PI4K2A: variants seen among roughly 807,000 people sequenced by gnomAD.
The protein encoded by PI4K2A is phosphatidylinositol 4-kinase type 2 alpha.
A neutral mutation model predicts 55.0 loss-of-function variants in PI4K2A; 20 were observed. The ratio of observed to expected loss-of-function variants is 0.36; its 90% confidence interval spans 0.26 to 0.53. The LOEUF (loss-of-function observed/expected upper bound fraction) is 0.53. Among genes scored for constraint, PI4K2A ranks in the 20% least tolerant of loss-of-function variants. The pLI, the probability that PI4K2A is intolerant of heterozygous loss-of-function variation, is 0.91. For missense variants in PI4K2A, 463 were observed against 637.1 expected, an observed-to-expected ratio of 0.73 and a Z score of 2.94; for synonymous variants, 235 against 258.5, an observed-to-expected ratio of 0.91 and a Z score of 0.87.
chr10:97,645,812 A>G (rs935314935), intron 1 of PI4K2A, among the ~76,000 whole-genome samples: 4 of 151,624 alleles, frequency 2.6e-5, no homozygotes, highest in Non-Finnish European at 5.9e-5. Flanking sequence ...TTGGCCTCCC[A>G]GTGTTGGGAT....
chr10:97,662,874 C>T, intron 4 of PI4K2A, 33 bp from the exon 5 acceptor site: 11 of 1,498,622 alleles, frequency 7.3e-6, no homozygotes, highest in Non-Finnish European at 1.0e-5. Flanking sequence ...ATCATCCCCC[C>T]TTTTTCTGCT....
intron 4 of PI4K2A, 107 bp downstream of exon 4, chr10:97,657,081 T>A: frequency 9.4e-7 from 1 of 1,066,804 alleles, no homozygotes; most frequent in Non-Finnish European, 1.4e-6. Context: ...TCCAGACACA[T>A]CATGTGTAGT....
intron 1 of PI4K2A, among the ~76,000 whole-genome samples, chr10:97,646,130 A>G (rs988506000): frequency 2.6e-5 from 4 of 152,054 alleles, no homozygotes; most frequent in African/African-American, 9.7e-5. Context: ...CAGAGACTAC[A>G]TGATGTGTGA....
At chr10:97,666,341 G>C in intron 6 of PI4K2A, 97 bp from the exon 7 acceptor site, 1 of 1,063,968 alleles carries the variant, frequency 9.4e-7, no homozygotes, top group Non-Finnish European at 1.4e-6. Flanking sequence ...TCAGGGAAGA[G>C]GGGTTCTCCT....
chr10:97,661,999 G>A (rs1397127450), intron 4 of PI4K2A, among the ~76,000 whole-genome samples: 8 of 151,594 alleles, frequency 5.3e-5, no homozygotes, highest in Non-Finnish European at 7.4e-5. Flanking sequence ...CTATAGGCAC[G>A]TACCACCACA....
At chr10:97,666,915 G>A (rs2041612317) in intron 7 of PI4K2A, 146 bp from the exon 8 acceptor site, 2 of 670,510 alleles carry the variant, frequency 3.0e-6, no homozygotes. Flanking sequence ...TGTAAAGCAG[G>A]GAGTTCTTGT....
intron 1 of PI4K2A, among the ~76,000 whole-genome samples, chr10:97,641,742 A>C (rs1405428513): frequency 1.3e-5 from 2 of 152,152 alleles, no homozygotes; most frequent in African/African-American, 4.8e-5. Context: ...TGCCCTGGGT[A>C]TTGCTCACTT....
At chr10:97,657,054 G>A in intron 4 of PI4K2A, 80 bp downstream of exon 4, 1 of 1,422,512 alleles carries the variant, frequency 7.0e-7, no homozygotes, top group Non-Finnish European at 9.8e-7. Context: ...GCAGGGCTTG[G>A]GAGTCAGAGT....
rs1423343694 is a variant in PI4K2A at position 97,667,221 on chromosome 10, T to C, written c.1278+101T>C. On this transcript the variant is annotated intron_variant, in intron 8 of 8. Transcript: ENST00000370631. Reference sequence around the variant, plus strand: ...AGTTTGTGTTTTATACCCCCCCCTTTTTTTTTGAGACCGAGTCTCACTCTG... The same window carrying C: ...AGTTTGTGTTTTATACCCCCCCCTTCTTTTTTGAGACCGAGTCTCACTCTG... 14 of 826,120 alleles carry C rather than the reference T, an allele frequency of 1.7e-5. 1 individual carries two copies. The Admixed American group carries it at 2.8e-4, about 16-fold the overall frequency. 51.2% of individuals were successfully genotyped at this position (826,120 alleles called of 1,614,324 possible).
At chr10:97,645,607 C>CA (rs1200079096) in intron 1 of PI4K2A, among the ~76,000 whole-genome samples, 1,234 of 48,902 alleles carry the variant, frequency 0.025, 28 homozygotes, top group African/African-American at 0.07. Flanking sequence ...GACTCTATCT[C>CA]AAAAAAAAAA....
chr10:97,641,557 C>A (rs966581232), intron 1 of PI4K2A, among the ~76,000 whole-genome samples: 1 of 152,140 alleles, frequency 6.6e-6, no homozygotes, highest in Non-Finnish European at 1.5e-5. Flanking sequence ...CCTGTTCTCT[C>A]TTTTTGGACC....
Position 97,656,957 on chromosome 10 carries a change from A to G in PI4K2A, c.905A>G (p.Tyr302Cys), listed in dbSNP as rs771519158. 6.2e-7 allele frequency: 1 copy of G among 1,614,196 alleles called. No individual in the cohort carries two copies. The highest frequency in any genetic ancestry group is 8.5e-7 in the Non-Finnish European group (1 of 1,180,010). ...TTTGAGCGGTTGGTGGTGCTGGATTACATCATCCGCAACACTGGTGAGCAG... is the reference window on the plus strand; with the variant it reads ...TTTGAGCGGTTGGTGGTGCTGGATTGCATCATCCGCAACACTGGTGAGCAG... Residue 302 changes from tyrosine to cysteine, a missense_variant, in exon 4 of 9, where the codon TAC (tyrosine) becomes TGC (cysteine). By Grantham distance (194) the Tyr-to-Cys change is radical. Transcript: ENST00000370631. The surrounding 1 kb of genome is among the most constrained non-coding windows in gnomAD (Gnocchi z 4.5).
intron 8 of PI4K2A, among the ~76,000 whole-genome samples, chr10:97,669,547 C>G (rs1035910905): frequency 6.6e-6 from 1 of 152,146 alleles, no homozygotes; most frequent in African/African-American, 2.4e-5. Context: ...ATCTTGTAAC[C>G]TAAAGTGCCT....
At chr10:97,666,615 A>G (rs756455136) in intron 7 of PI4K2A, 44 bp downstream of exon 7, 3 of 1,536,178 alleles carry the variant, frequency 2.0e-6, no homozygotes, top group East Asian at 4.5e-5. Flanking sequence ...TGGGAGAAGG[A>G]ATTTTTAATG....
rs2041557865 is a variant in PI4K2A, at chr10:97,656,937, G to A, written c.885G>A (p.Glu295=). The A allele has an allele frequency of 1.2e-6, 2 of 1,614,092 alleles. No homozygotes were observed. The highest frequency in any genetic ancestry group is 2.7e-5 in the African/African-American group (2 of 74,924). The change falls in exon 4 of 9, where the codon GAG becomes GAA. Residue 295 remains glutamate (E), a synonymous_variant. Transcript: ENST00000370631. The surrounding 1 kb of genome is among the most constrained non-coding windows in gnomAD (Gnocchi z 4.5). ...ACCGGCAACTACTGCTCCAGTTTGA[G>A]CGGTTGGTGGTGCTGGATTACATCA...
At chr10:97,667,212 C>A in intron 8 of PI4K2A, 92 bp downstream of exon 8, 4 of 853,622 alleles carry the variant, frequency 4.7e-6, no homozygotes, top group Non-Finnish European at 1.8e-6. Flanking sequence ...TGTTTTATAC[C>A]CCCCCCTTTT....
At position 97,642,806 on chromosome 10, in the gene PI4K2A, TCTTCCTTCCTTCCTTCCTTCCTTC is replaced by T. The variant is rs1183100302; in HGVS notation, c.435+1653_435+1676del. ...GCCAGAGGCTTGCTTGCTTTCTCTTTCTTCCTTCCTTCCTTCCTTCCTTCCTTCCTTCCTTCCTTCCTTCCTTTC... is the reference window on the plus strand; with the variant it reads ...GCCAGAGGCTTGCTTGCTTTCTCTTTCTTCCTTCCTTCCTTCCTTCCTTTC... On this transcript the variant is annotated intron_variant, in intron 1 of 8. Transcript: ENST00000370631. Among the ~76,000 whole-genome samples, 59 of 105,380 alleles carry T rather than the reference TCTTCCTTCCTTCCTTCCTTCCTTC, an allele frequency of 5.6e-4. 4 individuals carry two copies. The South Asian group carries it at 0.015, about 28-fold the overall frequency. The allele number at this position is 105,380 out of a possible 152,430, so 69.1% of individuals were successfully genotyped here.
At chr10:97,670,274 A>T (rs2041628791) in intron 8 of PI4K2A, among the ~76,000 whole-genome samples, 1 of 152,128 alleles carries the variant, frequency 6.6e-6, no homozygotes, top group South Asian at 2.1e-4. Context: ...TTAAAAAATA[A>T]TTTTTCTTTT....
At chr10:97,662,214 G>A (rs1033971249) in intron 4 of PI4K2A, among the ~76,000 whole-genome samples, 43 of 152,092 alleles carry the variant, frequency 2.8e-4, no homozygotes, top group Admixed American at 1.1e-3. Flanking sequence ...ACATTTTAAA[G>A]TCTGTATATT....
Sources: gnomAD v4.1 joint callset for allele counts (sites outside exome capture counted in the v4.1 genomes callset) on GRCh38, gnomAD v4.1.1 for gene constraint, Gnocchi (gnomAD v3.1) non-coding constraint, MANE v1.5 for transcripts, NCBI Gene and HGNC (gene_info 2026-07-23, HGNC 2026-07-21) for gene names.